SLC24A3: variants seen among roughly 807,000 people sequenced by gnomAD.
SLC24A3 encodes the protein solute carrier family 24 member 3.
A neutral mutation model predicts 75.8 loss-of-function variants in SLC24A3; 28 were observed. The ratio of observed to expected loss-of-function variants is 0.37; its 90% CI spans 0.27 to 0.51. The LOEUF (loss-of-function observed/expected upper bound fraction) is 0.51. Among genes scored for constraint, SLC24A3 ranks in the 20% least tolerant of loss-of-function variants. SLC24A3 has a pLI of 0.94. For synonymous variants in SLC24A3, 372 were observed against 334.1 expected (o/e 1.11, Z -1.24); for missense variants, 663 against 847.8 (o/e 0.78, Z 2.71).
At chr20:19,389,251 A>ATT (rs981478815) in intron 2 of SLC24A3, among the ~76,000 whole-genome samples, 9 of 152,130 alleles carry the variant, frequency 5.9e-5, no homozygotes, top group African/African-American at 1.9e-4. Flanking sequence ...ACTAAAAGTG[A>ATT]TTTATACACC....
intron 2 of SLC24A3, among the ~76,000 whole-genome samples, chr20:19,326,473 G>A (rs6045999): frequency 0.041 from 6,172 of 152,282 alleles, 503 homozygotes; most frequent in East Asian, 0.27. Flanking sequence ...AAGGAGCCAG[G>A]TCCGGCCTCC....
At chr20:19,329,613 A>G (rs1207463183) in intron 2 of SLC24A3, among the ~76,000 whole-genome samples, 5 of 152,206 alleles carry the variant, frequency 3.3e-5, no homozygotes, top group Non-Finnish European at 5.9e-5. Context: ...TTTTGTATGC[A>G]GTATTATTGA....
chr20:19,405,439 CT>C (rs1160670270), intron 2 of SLC24A3, among the ~76,000 whole-genome samples: 1 of 152,202 alleles, frequency 6.6e-6, no homozygotes, highest in Non-Finnish European at 1.5e-5. Context: ...GTTGGTGCGC[CT>C]TCTGTCAGTG....
In SLC24A3 at chr20:19,721,155, A is replaced by G. The variant is rs2033101122; in HGVS notation, c.*15A>G. On this transcript the variant is annotated 3_prime_UTR_variant, in exon 17 of 17. Transcript: ENST00000328041. ...GGGACCACTGAGCCGCCGGGTGCCC[A>G]CAGAGGCTCAGCTCCTTCTTTTCTG... The G allele has an allele frequency of 6.2e-7, 1 of 1,613,646 alleles. No individual in the cohort carries two copies. Among genetic ancestry groups the G allele is most frequent in the Non-Finnish European group, 8.5e-7 (1 of 1,179,916 alleles).
At chr20:19,507,216 G>A (rs1988473563) in intron 2 of SLC24A3, among the ~76,000 whole-genome samples, 1 of 152,156 alleles carries the variant, frequency 6.6e-6, no homozygotes, top group Admixed American at 6.5e-5. Flanking sequence ...CTAGACACCA[G>A]GGCTACAGAG....
chr20:19,312,430 A>G (rs1295878786), intron 2 of SLC24A3, among the ~76,000 whole-genome samples: 3 of 152,186 alleles, frequency 2.0e-5, no homozygotes, highest in African/African-American at 4.8e-5. Flanking sequence ...GAATGCATAC[A>G]TATCCTAGAG....
intron 6 of SLC24A3, among the ~76,000 whole-genome samples, chr20:19,598,733 G>A (rs945336837): frequency 5.9e-5 from 9 of 151,960 alleles, no homozygotes; most frequent in African/African-American, 1.7e-4. Flanking sequence ...CCTGCCCTTC[G>A]TCATTTTAAG....
chr20:19,447,500 A>G lies in SLC24A3; in HGVS notation c.272-67988A>G, dbSNP rs80000246. Among the ~76,000 whole-genome samples the G allele has an allele frequency of 9.3e-3, 1,419 of 152,314 alleles. 15 individuals are homozygous for G. Among genetic ancestry groups the G allele is most frequent in the South Asian group, 0.024 (114 of 4,820 alleles). ...GAACAGGTGCAGTTATGGGAGGCAA[A>G]GTGTTGTTCAATAGAATAAAGTGGT... On this transcript the variant is annotated intron_variant, in intron 2 of 16. Coordinates refer to ENST00000328041, the MANE Select transcript of SLC24A3 (RefSeq NM_020689.4).
At position 19,489,653 on chromosome 20, in the gene SLC24A3, G is replaced by A. The variant is rs954960285; in HGVS notation, c.272-25835G>A. On this transcript the variant is annotated intron_variant, in intron 2 of 16. Coordinates refer to ENST00000328041, the MANE Select transcript of SLC24A3 (RefSeq NM_020689.4). Reference sequence around the variant, plus strand: ...ACCAGCCAGGAACTACAATTTGGGGGCACAGAGGGGCTGATCAGGGGAATT... The same window carrying A: ...ACCAGCCAGGAACTACAATTTGGGGACACAGAGGGGCTGATCAGGGGAATT... 2.6e-5 allele frequency among the ~76,000 whole-genome samples: 4 copies of A among 152,160 alleles called. No individual in the cohort carries two copies. The South Asian group carries it at 8.3e-4, about 32-fold the overall frequency.
rs73130605 is a variant in SLC24A3 at position 19,478,738 on chromosome 20, G to A, written c.272-36750G>A. Among the ~76,000 whole-genome samples the A allele has an allele frequency of 4.4e-3, 664 of 152,274 alleles. 3 individuals are homozygous for A. The highest frequency in any genetic ancestry group is 7.6e-3 in the Non-Finnish European group (519 of 68,016). ...GCCTTCTGTGTCCGATAGATAAGTC[G>A]AGGCTCACCAGGCCATTCAAACTCT... On this transcript the variant is annotated intron_variant, in intron 2 of 16. Transcript: ENST00000328041.
chr20:19,617,042 C>T (rs755087497), intron 6 of SLC24A3, among the ~76,000 whole-genome samples: 2 of 152,122 alleles, frequency 1.3e-5, no homozygotes, highest in Non-Finnish European at 1.5e-5. Flanking sequence ...TTTACATTCC[C>T]TGGAATATAT....
chr20:19,221,969 C>G (rs1178293961), intron 1 of SLC24A3, among the ~76,000 whole-genome samples: 1 of 152,050 alleles, frequency 6.6e-6, no homozygotes, highest in African/African-American at 2.4e-5. Context: ...TCTGGATTGT[C>G]TATTATTTGG....
chr20:19,463,005 T>C (rs577427169), intron 2 of SLC24A3, among the ~76,000 whole-genome samples: 3 of 152,268 alleles, frequency 2.0e-5, no homozygotes, highest in Non-Finnish European at 4.4e-5. Context: ...CTCCTATCTC[T>C]TCACTGCCCG....
chr20:19,293,013 G>C (rs1983978004), intron 2 of SLC24A3, among the ~76,000 whole-genome samples: 1 of 152,098 alleles, frequency 6.6e-6, no homozygotes, highest in Non-Finnish European at 1.5e-5. Flanking sequence ...CCTTGCCAAA[G>C]GTCCTACCCC....
chr20:19,384,703 G>C (rs1352686515), intron 2 of SLC24A3, among the ~76,000 whole-genome samples: 1 of 152,160 alleles, frequency 6.6e-6, no homozygotes, highest in African/African-American at 2.4e-5. Flanking sequence ...ACCCCAAAAT[G>C]GGATGTGAGA....
At chr20:19,491,436 T>C (rs58929613) in intron 2 of SLC24A3, among the ~76,000 whole-genome samples, 8,923 of 152,264 alleles carry the variant, frequency 0.059, 785 homozygotes, top group African/African-American at 0.19. Flanking sequence ...AGAAGTGTCA[T>C]CTGTCTTCCA....
At chr20:19,709,124 G>A (rs1046962256) in intron 15 of SLC24A3, among the ~76,000 whole-genome samples, 10 of 152,172 alleles carry the variant, frequency 6.6e-5, no homozygotes, top group Non-Finnish European at 1.5e-4. Flanking sequence ...GGGAGCTCTG[G>A]GAAACAGAGG....
At chr20:19,367,691 G>A (rs1985917985) in intron 2 of SLC24A3, among the ~76,000 whole-genome samples, 1 of 152,202 alleles carries the variant, frequency 6.6e-6, no homozygotes, top group African/African-American at 2.4e-5. Context: ...GTGGGAATGA[G>A]CATTAGTTAA....
intron 1 of SLC24A3, chr20:19,265,642 T>G (rs1983144728): frequency 6.6e-6 from 1 of 152,198 alleles, no homozygotes; most frequent in Non-Finnish European, 1.5e-5. Context: ...ATCGAAAAGT[T>G]TATGATTAGT....
Sources: allele counts gnomAD v4.1 joint callset (sites outside exome capture counted in the v4.1 genomes callset), GRCh38; gene constraint gnomAD v4.1.1; transcripts MANE v1.5; gene names NCBI Gene and HGNC (gene_info 2026-07-23, HGNC 2026-07-21).